Variants in RNLS observed in about 807,000 individuals in gnomAD.
RNLS encodes renalase, FAD dependent amine oxidase.
In RNLS, 39 loss-of-function variants were observed where a neutral mutation model predicts 39.8. That is an observed-to-expected ratio of 0.98 (90% confidence interval 0.76 to 1.28). The LOEUF (loss-of-function observed/expected upper bound fraction) is 1.28, where lower values mean the gene tolerates loss of function less well. Among genes scored for constraint, RNLS ranks in the 50% most tolerant of loss-of-function variants. The pLI, the probability that RNLS is intolerant of heterozygous loss-of-function variation, is 0.00. For missense variants in RNLS, 410 were observed against 413.3 expected, an observed-to-expected ratio of 0.99 and a Z score of 0.07; for synonymous variants, 147 against 150.7, an observed-to-expected ratio of 0.98 and a Z score of 0.18.
intron 4 of RNLS, among the ~76,000 whole-genome samples, chr10:88,503,402 A>G (rs902262188): frequency 6.6e-6 from 1 of 152,196 alleles, no homozygotes; most frequent in African/African-American, 2.4e-5. Context: ...AGAAATAAAA[A>G]TAAAAATAAA....
intron 4 of RNLS, among the ~76,000 whole-genome samples, chr10:88,423,387 C>A (rs1854526941): frequency 6.6e-6 from 1 of 152,166 alleles, no homozygotes; most frequent in African/African-American, 2.4e-5. Flanking sequence ...TGTTGTATAG[C>A]CAGTGCTTTT....
chr10:88,257,113 GA>G, the RNLS span, among the ~76,000 whole-genome samples: 1 of 151,780 alleles, frequency 6.6e-6, no homozygotes, highest in Non-Finnish European at 1.5e-5. Flanking sequence ...CTCTTTCTGT[GA>G]TTTTTCCATC....
At chr10:88,294,756 G>A (rs1843949219) in intron 6 of RNLS, among the ~76,000 whole-genome samples, 1 of 152,078 alleles carries the variant, frequency 6.6e-6, no homozygotes, top group South Asian at 2.1e-4. Context: ...GACTGGCATT[G>A]AATAAATATT....
At chr10:88,547,877 G>A (rs1848397179) in intron 4 of RNLS, among the ~76,000 whole-genome samples, 1 of 151,912 alleles carries the variant, frequency 6.6e-6, no homozygotes, top group African/African-American at 2.4e-5. Context: ...ACATCACATT[G>A]TACCCCATAA....
At chr10:88,523,597 A>G (rs1846892231) in intron 4 of RNLS, among the ~76,000 whole-genome samples, 1 of 152,174 alleles carries the variant, frequency 6.6e-6, no homozygotes. Context: ...TACAAAGAAC[A>G]AAACAAAAGA....
At chr10:88,510,630 T>G (rs147033686) in intron 4 of RNLS, among the ~76,000 whole-genome samples, 59 of 151,944 alleles carry the variant, frequency 3.9e-4, no homozygotes, top group African/African-American at 1.3e-3. Context: ...GGATCACAAG[T>G]TCAGGAGTTT....
downstream of RNLS, among the ~76,000 whole-genome samples, chr10:88,270,697 T>G (rs188984896): frequency 1.8e-4 from 28 of 152,338 alleles, no homozygotes; most frequent in East Asian, 5.4e-3. Flanking sequence ...GAGAAGGCCC[T>G]TGTATTTCTG....
chr10:88,357,397 A>C (rs1183680679), intron 5 of RNLS, among the ~76,000 whole-genome samples: 1 of 152,156 alleles, frequency 6.6e-6, no homozygotes, highest in Non-Finnish European at 1.5e-5. Flanking sequence ...TTGTGGCACT[A>C]TTCCTTATGT....
intron 6 of RNLS, among the ~76,000 whole-genome samples, chr10:88,303,257 A>G (rs1173277083): frequency 6.6e-6 from 1 of 152,234 alleles, no homozygotes; most frequent in Non-Finnish European, 1.5e-5. Context: ...GGTTTGGTGC[A>G]GGAGGATCAG....
At chr10:88,551,737 G>C (rs114608231) in intron 4 of RNLS, among the ~76,000 whole-genome samples, 1 of 151,226 alleles carries the variant, frequency 6.6e-6, no homozygotes, top group Admixed American at 6.6e-5. Context: ...TGGCTCTTCT[G>C]GTGGGTAGTT....
intron 4 of RNLS, among the ~76,000 whole-genome samples, chr10:88,484,885 A>T (rs974192345): frequency 6.6e-6 from 1 of 151,970 alleles, no homozygotes; most frequent in Non-Finnish European, 1.5e-5. Flanking sequence ...ATTTATCTCC[A>T]TGTATTTATA....
At chr10:88,308,024 G>C (rs188083781) in intron 6 of RNLS, among the ~76,000 whole-genome samples, 5 of 152,224 alleles carry the variant, frequency 3.3e-5, no homozygotes, top group East Asian at 1.9e-4. Flanking sequence ...ACAAGCAATG[G>C]GGAAAGGATT....
chr10:88,421,026 T>C (rs1327922997), intron 4 of RNLS, among the ~76,000 whole-genome samples: 1 of 152,212 alleles, frequency 6.6e-6, no homozygotes. Context: ...CTGAGACCAC[T>C]GAGGAACGTC....
In RNLS at chr10:88,542,628, A is replaced by G. The variant is rs190373148; in HGVS notation, c.526+30275T>C. Among the ~76,000 whole-genome samples, 28 of 152,302 alleles carry G rather than the reference A, an allele frequency of 1.8e-4. 1 individual carries two copies. In the East Asian group the frequency reaches 2.7e-3, roughly 15 times the overall value. ...CAGTATAAATCAGCTAAGCATTTAG[A>G]AACTATTATCAGGAGCACTAGACAG... On this transcript the variant is annotated intron_variant, in intron 4 of 6. Coordinates refer to ENST00000331772, the MANE Select transcript of RNLS (RefSeq NM_001031709.3).
chr10:88,543,747 C>A (rs1273084681), intron 4 of RNLS, among the ~76,000 whole-genome samples: 1 of 152,098 alleles, frequency 6.6e-6, no homozygotes, highest in African/African-American at 2.4e-5. Flanking sequence ...AAAATGACAA[C>A]AGAGGGCATC....
the RNLS span, among the ~76,000 whole-genome samples, chr10:88,267,484 G>A: frequency 1.3e-5 from 2 of 152,290 alleles, no homozygotes; most frequent in Middle Eastern, 3.4e-3. Context: ...GCTGAGGCAA[G>A]AGGATTGCTT....
the RNLS span, among the ~76,000 whole-genome samples, chr10:88,224,898 T>G: frequency 6.6e-6 from 1 of 152,308 alleles, no homozygotes; most frequent in East Asian, 1.9e-4. Flanking sequence ...TCCTATGAGA[T>G]TGGACATTTT....
chr10:88,172,845 T>G, the RNLS span, among the ~76,000 whole-genome samples: 5 of 37,226 alleles, frequency 1.3e-4, no homozygotes, highest in African/African-American at 5.6e-4. Flanking sequence ...TTGAGTTGTT[T>G]TTTTTTTTTT....
intron 4 of RNLS, among the ~76,000 whole-genome samples, chr10:88,541,919 C>T (rs1048770592): frequency 6.6e-6 from 1 of 151,968 alleles, no homozygotes; most frequent in African/African-American, 2.4e-5. Context: ...AACTAGGGAG[C>T]TGGGAAAGAT....
Sources: allele counts gnomAD v4.1 joint callset (sites outside exome capture counted in the v4.1 genomes callset), GRCh38; gene constraint gnomAD v4.1.1; transcripts MANE v1.5; gene names NCBI Gene and HGNC (gene_info 2026-07-23, HGNC 2026-07-21).